The following GIGYF1 variants were observed in gnomAD, a reference collection of about 807,000 sequenced individuals.
The protein encoded by GIGYF1 is GRB10 interacting GYF protein 1, also known as GRB10-interacting GYF protein 1.
In GIGYF1, 84 loss-of-function variants were observed where a neutral mutation model predicts 147.1. The observed-to-expected ratio is 0.57, with a 90% CI of 0.48 to 0.68. GIGYF1 has a LOEUF of 0.68. Among genes scored for constraint, GIGYF1 ranks in the 30% least tolerant of loss-of-function variants. GIGYF1 has a pLI of 0.00. For synonymous variants in GIGYF1, 752 were observed against 589.5 expected, an observed-to-expected ratio of 1.28 and a Z score of -3.99; for missense variants, 1,485 against 1,393.7, an observed-to-expected ratio of 1.07 and a Z score of -1.04.
At chr7:100,693,540 GGCTTCCA>G (rs1347779822) in intron 1 of GIGYF1, among the ~76,000 whole-genome samples, 1 of 152,210 alleles carries the variant, frequency 6.6e-6, no homozygotes, top group African/African-American at 2.4e-5. Context: ...TGGAGGGCAA[GGCTTCCA>G]TGTTGGCCAA....
intron 12 of GIGYF1, 124 bp downstream of exon 12, chr7:100,685,850 A>C: frequency 1.3e-6 from 1 of 752,620 alleles, no homozygotes; most frequent in East Asian, 2.7e-5. Context: ...ACCTCTCAGC[A>C]CTCTTCTTCC....
rs1410821182 is a variant in GIGYF1, at chr7:100,681,579, CGT to C, written c.*138_*139del. ...TCGTGGTGGGTGAGTTAAGGTGCAT[CGT>C]GTGTTTGTAACAAGTGCTGGGGACC... is the stretch of plus-strand genomic sequence containing the variant. On this transcript the variant is annotated 3_prime_UTR_variant, in exon 27 of 27. Transcript: ENST00000678049. The C allele has an allele frequency of 3.1e-5, 19 of 605,708 alleles. No homozygotes were observed. The East Asian group carries it at 4.3e-4, about 14-fold the overall frequency. 37.5% of individuals were successfully genotyped at this position (605,708 alleles called of 1,614,324 possible).
Position 100,681,389 on chromosome 7 carries a change from C to T in GIGYF1, c.*330G>A, listed in dbSNP as rs1278385759. ...AAAAAAAAAACCAAAAAACAAAAAC[C>T]TCTGTGGACCTTCCATTGTCACACC... On this transcript the variant is annotated 3_prime_UTR_variant, in exon 27 of 27. Transcript: ENST00000678049. The T allele has an allele frequency of 4.3e-6, 1 of 234,052 alleles. No individual in the cohort carries two copies. Among genetic ancestry groups the T allele is most frequent in the African/African-American group, 2.3e-5 (1 of 43,662 alleles). The allele number at this position is 234,052 out of a possible 1,614,324, so 14.5% of individuals were successfully genotyped here. A position where few individuals can be genotyped will look rare whatever the true frequency, so the allele number is the denominator to read the frequency against.
chr7:100,693,259 G>A (rs560178997), intron 1 of GIGYF1, among the ~76,000 whole-genome samples: 42 of 151,492 alleles, frequency 2.8e-4, no homozygotes, highest in Middle Eastern at 3.4e-3. Context: ...AGAGAAGAGA[G>A]ACGAGGGGCT....
chr7:100,693,248 CAGAGAAGAGAG>C (rs963738275), intron 1 of GIGYF1, among the ~76,000 whole-genome samples: 6 of 151,908 alleles, frequency 3.9e-5, no homozygotes, highest in African/African-American at 1.5e-4. Flanking sequence ...GACTGTATAA[CAGAGAAGAGAG>C]ACGAGGGGCT....
Position 100,687,020 on chromosome 7 carries a change from G to A in GIGYF1, c.509C>T (p.Ala170Val). The change falls in exon 9 of 27, where the codon GCA (alanine) becomes GTA (valine). Residue 170 changes from alanine to valine, a missense_variant. Physicochemically the swap from Ala to Val is moderately conservative, Grantham distance 64. Transcript: ENST00000678049. ...DRGERRFEKS[A>V]RRDGARCGFE... Reference sequence around the variant, plus strand: ...CAGCCTCGTACCTCCATCCCGCCTTGCTGACTTCTCAAACCGCCTCTCGCC... The same window carrying A: ...CAGCCTCGTACCTCCATCCCGCCTTACTGACTTCTCAAACCGCCTCTCGCC... 1 of 1,613,890 alleles carries A rather than the reference G, an allele frequency of 6.2e-7. No individual in the cohort carries two copies. The highest frequency in any genetic ancestry group is 1.6e-4 in the Middle Eastern group (1 of 6,062).
chr7:100,685,593 T>TCC lies in GIGYF1; in HGVS notation c.1055-114_1055-113dup, dbSNP rs1221102746. ...GCGGGTCACACTCCCTTAGGCCGAG[T>TCC]CCACCACTTCACTTGGGTCAACTCA... On this transcript the variant is annotated intron_variant, in intron 12 of 26. Transcript: ENST00000678049. The TCC allele has an allele frequency of 5.0e-6, 6 of 1,195,350 alleles. No homozygotes were observed. In the African/African-American group the frequency reaches 9.3e-5, roughly 19 times the overall value. The allele number at this position is 1,195,350 out of a possible 1,614,324, so 74.0% of individuals were successfully genotyped here.
Position 100,684,790 on chromosome 7 carries a change from A to G in GIGYF1, c.1395T>C (p.Thr465=), listed in dbSNP as rs1805156160. The G allele has an allele frequency of 1.9e-6, 3 of 1,611,714 alleles. No homozygotes were observed. Among genetic ancestry groups the G allele is most frequent in the South Asian group, 1.1e-5 (1 of 90,916 alleles). Residue 465 remains threonine (T), a synonymous_variant, in exon 15 of 27, where the codon ACT becomes ACC. Coordinates refer to ENST00000678049, the MANE Select transcript of GIGYF1 (RefSeq NM_001375765.1). ...CAGCCCCATGGCTGAGCGGGAGGGC[A>G]GTGGCGGCTGCAGAGTGGCGCAGGC... ...TQGLRHSAAA[T]ALPLSHGAAR...
At chr7:100,682,903 G>C (rs943895371) in intron 22 of GIGYF1, 109 bp downstream of exon 22, 1 of 1,270,258 alleles carries the variant, frequency 7.9e-7, no homozygotes, top group African/African-American at 1.5e-5. Context: ...GCCATCACAG[G>C]AGAGGCTGGG....
chr7:100,687,793 C>G lies in GIGYF1; in HGVS notation c.256G>C (p.Glu86Gln). Residue 86 changes from glutamate to glutamine, a missense_variant, in exon 6 of 27, where the codon GAA (glutamate) becomes CAA (glutamine). By Grantham distance (29) the Glu-to-Gln change is conservative. Coordinates refer to ENST00000678049, the MANE Select transcript of GIGYF1 (RefSeq NM_001375765.1). ...PLALEPLTEEEQRNFSLSVNS... is the reference protein window; with the variant it reads ...PLALEPLTEEQQRNFSLSVNS... ...AGCTCCTGGCCCGGTCCCACCTGTT[C>G]CTCCTCAGTCAGCGGCTCCAGAGCC... is the stretch of plus-strand genomic sequence containing the variant. 6.2e-7 allele frequency: 1 copy of G among 1,612,294 alleles called. No individual in the cohort carries two copies. Among genetic ancestry groups the G allele is most frequent in the Non-Finnish European group, 8.5e-7 (1 of 1,179,848 alleles).
rs765868450 is a variant in GIGYF1 at position 100,682,032 on chromosome 7, C to G, written c.2926-39G>C. On this transcript the variant is annotated intron_variant, in intron 25 of 26. Transcript: ENST00000678049. ...GAGGAGGGTGAAGGTCAGGAGGCACCAGGCAAGCCCACCCCAGCTGCTGGT... is the reference window on the plus strand; with the variant it reads ...GAGGAGGGTGAAGGTCAGGAGGCACGAGGCAAGCCCACCCCAGCTGCTGGT... 6.8e-6 allele frequency: 11 copies of G among 1,610,552 alleles called. No homozygotes were observed. In the East Asian group the frequency reaches 1.8e-4, roughly 26 times the overall value.
chr7:100,684,570 G>A lies in GIGYF1; in HGVS notation c.1509C>T (p.Tyr503=), dbSNP rs199969956. 1 of 1,614,178 alleles carries A rather than the reference G, an allele frequency of 6.2e-7. No individual in the cohort carries two copies. Among genetic ancestry groups the A allele is most frequent in the Admixed American group, 1.7e-5 (1 of 60,026 alleles). Residue 503 remains tyrosine, a synonymous_variant, in exon 16 of 27, where the codon TAC becomes TAT. Coordinates refer to ENST00000678049, the MANE Select transcript of GIGYF1 (RefSeq NM_001375765.1). The part of the protein sequence containing the change: ...QEMAEWFQAG[Y]FSMSLLVKRG... ...GCTTCACCAGCAGTGACATGGAAAA[G>A]TAGCCGGCCTGGAACCACTCTGCCA...
chr7:100,688,841 G>A lies in GIGYF1; in HGVS notation c.-384C>T, dbSNP rs992663041. 1.1e-5 allele frequency: 2 copies of A among 186,914 alleles called. No homozygotes were observed. Among genetic ancestry groups the A allele is most frequent in the Middle Eastern group, 2.4e-3 (1 of 418 alleles). The allele number at this position is 186,914 out of a possible 1,614,324, so 11.6% of individuals were successfully genotyped here. On this transcript the variant is annotated 5_prime_UTR_variant, in exon 2 of 27. Transcript: ENST00000678049. ...GGTGTCTCTGGGCATCAGCACCCTC[G>A]CCACCCTCTCTGGGAGGCTGAGACA... is the stretch of plus-strand genomic sequence containing the variant.
intron 8 of GIGYF1, 84 bp downstream of exon 8, chr7:100,687,214 G>T: frequency 6.8e-7 from 1 of 1,469,588 alleles, no homozygotes; most frequent in Non-Finnish European, 9.5e-7. Flanking sequence ...TATCTGGTGG[G>T]CCTCTGTTAC....
Position 100,687,062 on chromosome 7 carries a change from C to T in GIGYF1, c.483-16G>A, listed in dbSNP as rs376443252. The T allele has an allele frequency of 4.2e-5, 68 of 1,613,710 alleles. No homozygotes were observed. In the Middle Eastern group the frequency reaches 8.2e-4, roughly 20 times the overall value. On this transcript the variant is annotated splice_polypyrimidine_tract_variant and intron_variant, in intron 8 of 26. Coordinates refer to ENST00000678049, the MANE Select transcript of GIGYF1 (RefSeq NM_001375765.1). The stretch of plus-strand genomic sequence containing the variant: ...CCTCTCGCCTCTGCAGCAGGGGAAA[C>T]GTGTGGGTCAGAAACAGTACAGCCT...
rs1805400894 is a variant in GIGYF1 at position 100,686,872 on chromosome 7, A to T, written c.524-53T>A. 88 of 1,531,172 alleles carry T rather than the reference A, an allele frequency of 5.7e-5. No individual in the cohort carries two copies. In the South Asian group the frequency reaches 9.5e-4, roughly 17 times the overall value. The allele number at this position is 1,531,172 out of a possible 1,614,324, so 94.8% of individuals were successfully genotyped here. ...ATTAGAAAGGCAGCGTGGTGCCTGG[A>T]CCCTCAAGAAACGTTGGGGGGGCCA... On this transcript the variant is annotated intron_variant, in intron 9 of 26. Coordinates refer to ENST00000678049, the MANE Select transcript of GIGYF1 (RefSeq NM_001375765.1).
chr7:100,687,849 G>C lies in GIGYF1; in HGVS notation c.200C>G (p.Ala67Gly), dbSNP rs753444113. 6.2e-7 allele frequency: 1 copy of C among 1,612,894 alleles called. No homozygotes were observed. The highest frequency in any genetic ancestry group is 1.1e-5 in the South Asian group (1 of 91,078). ...CTGCAGTGGCTCGTCCTGCAGCACC[G>C]CGGCGAACTCCTTGTCCTGCAGCTC... Reference protein sequence around the residue: ...PEELQDKEFAAVLQDEPLQPL... With the variant: ...PEELQDKEFAGVLQDEPLQPL... The change falls in exon 6 of 27, where the codon GCG becomes GGG. Residue 67 changes from alanine to glycine, a missense_variant. Transcript: ENST00000678049.
In GIGYF1 at chr7:100,681,516, TAAAA is replaced by T; in HGVS notation, c.*199_*202del. On this transcript the variant is annotated 3_prime_UTR_variant, in exon 27 of 27. Transcript: ENST00000678049. The stretch of plus-strand genomic sequence containing the variant: ...AGTCGTTTAAAATTAAAAAAAAAAA[TAAAA>T]AGAAAAACCCCCTCCCCCAGTCTGT... 2.5e-6 allele frequency: 1 copy of T among 399,948 alleles called. No individual in the cohort carries two copies. The highest frequency in any genetic ancestry group is 4.4e-6 in the Non-Finnish European group (1 of 229,628). The allele number at this position is 399,948 out of a possible 1,614,324, so 24.8% of individuals were successfully genotyped here. A position where few individuals can be genotyped will look rare whatever the true frequency, so the allele number is the denominator to read the frequency against.
rs2131362069 is a variant in GIGYF1 at position 100,680,884 on chromosome 7, C to T, written c.*835G>A. The T allele has an allele frequency of 6.5e-6, 1 of 152,798 alleles. No individual in the cohort carries two copies. Among genetic ancestry groups the T allele is most frequent in the African/African-American group, 2.4e-5 (1 of 41,562 alleles). The allele number at this position is 152,798 out of a possible 1,614,324, so 9.5% of individuals were successfully genotyped here. ...GAGCTGGGGCTTTCAGGTTCAAACC[C>T]AGGGTGTCCCCCAAAATGGCAGCAG... On this transcript the variant is annotated 3_prime_UTR_variant, in exon 27 of 27. Transcript: ENST00000678049.
Sources: allele counts gnomAD v4.1 joint callset (sites outside exome capture counted in the v4.1 genomes callset), GRCh38; gene constraint gnomAD v4.1.1; transcripts MANE v1.5; gene names NCBI Gene and HGNC (gene_info 2026-07-23, HGNC 2026-07-21).